Variants in CRTAC1 observed in about 807,000 individuals in gnomAD.
CRTAC1 encodes the protein acidic secreted protein in cartilage.
In CRTAC1, 37 loss-of-function variants were observed where a neutral mutation model predicts 67.8. The ratio of observed to expected loss-of-function variants is 0.55; its 90% CI spans 0.42 to 0.72. The LOEUF (loss-of-function observed/expected upper bound fraction) is 0.72. Ranked by LOEUF, CRTAC1 falls within the 30% of genes least tolerant of loss-of-function variation. The pLI is 0.00. For missense variants in CRTAC1, 780 were observed against 931.6 expected (o/e 0.84, Z 2.12); for synonymous variants, 348 against 371.0 (o/e 0.94, Z 0.71).
intron 2 of CRTAC1, among the ~76,000 whole-genome samples, chr10:98,006,670 G>A (rs906868389): frequency 3.9e-5 from 6 of 152,020 alleles, no homozygotes; most frequent in Non-Finnish European, 8.8e-5. Context: ...AAAGCAACAG[G>A]GCTCCAGTCA....
chr10:97,882,617 A>G, intron 13 of CRTAC1, among the ~76,000 whole-genome samples, 169 bp downstream of exon 13: 1 of 152,148 alleles, frequency 6.6e-6, no homozygotes, highest in East Asian at 1.9e-4. Context: ...CACCCTGGTG[A>G]GTCATGTGGT....
At chr10:97,951,590 G>A (rs928112918) in intron 2 of CRTAC1, among the ~76,000 whole-genome samples, 5 of 152,150 alleles carry the variant, frequency 3.3e-5, no homozygotes, top group African/African-American at 1.2e-4. Context: ...TAATGAGAAA[G>A]TACCAAATTG....
At chr10:98,026,964 G>A (rs1261342356) in intron 1 of CRTAC1, among the ~76,000 whole-genome samples, 1 of 152,140 alleles carries the variant, frequency 6.6e-6, no homozygotes, top group East Asian at 1.9e-4. Flanking sequence ...CAGATCACGA[G>A]GTCAGGAGAT....
intron 2 of CRTAC1, among the ~76,000 whole-genome samples, chr10:98,010,197 G>A (rs1842878807): frequency 6.6e-6 from 1 of 152,048 alleles, no homozygotes; most frequent in Admixed American, 6.6e-5. Flanking sequence ...GCGCCACCAT[G>A]CCCAGCTAAT....
chr10:97,888,816 A>G (rs2050323483), intron 11 of CRTAC1, among the ~76,000 whole-genome samples: 1 of 152,166 alleles, frequency 6.6e-6, no homozygotes, highest in Non-Finnish European at 1.5e-5. Flanking sequence ...TAACCAGCAG[A>G]GACATGAGGT....
chr10:97,902,871 G>T (rs946787540), intron 7 of CRTAC1, among the ~76,000 whole-genome samples: 1 of 152,016 alleles, frequency 6.6e-6, no homozygotes, highest in East Asian at 1.9e-4. Context: ...GAGTAATGAG[G>T]TTGAATAAGC....
intron 3 of CRTAC1, among the ~76,000 whole-genome samples, chr10:97,930,467 T>TAGGG (rs2050987172): frequency 6.6e-6 from 1 of 152,196 alleles, no homozygotes; most frequent in Admixed American, 6.5e-5. Flanking sequence ...GGGCCATACA[T>TAGGG]CTCAGACTTT....
At chr10:97,940,576 G>C (rs923718792) in intron 2 of CRTAC1, among the ~76,000 whole-genome samples, 8 of 152,244 alleles carry the variant, frequency 5.3e-5, no homozygotes, top group Non-Finnish European at 1.2e-4. Context: ...CGTGCTGTGA[G>C]AGCCATCCCA....
At chr10:97,950,776 G>T (rs1033515513) in intron 2 of CRTAC1, among the ~76,000 whole-genome samples, 1 of 152,178 alleles carries the variant, frequency 6.6e-6, no homozygotes, top group African/African-American at 2.4e-5. Context: ...CCAGACAGAG[G>T]GGTAGGCCTG....
intron 2 of CRTAC1, among the ~76,000 whole-genome samples, chr10:97,955,121 A>T (rs1462624317): frequency 6.6e-6 from 1 of 152,192 alleles, no homozygotes; most frequent in South Asian, 2.1e-4. Context: ...TCTTCCCAAC[A>T]ACTCTGCAAG....
Position 97,960,189 on chromosome 10 carries a change from G to A in CRTAC1, c.225-23823C>T, listed in dbSNP as rs117362238. ...GCAAGCAGGTCTTTCTGGGGATAGC[G>A]GTCTCAGCCCTGGGGACAGCAGTCC... is the stretch of plus-strand genomic sequence containing the variant. On this transcript the variant is annotated intron_variant, in intron 2 of 14. Transcript: ENST00000370597. 1.7e-3 allele frequency among the ~76,000 whole-genome samples: 254 copies of A among 152,354 alleles called. 1 individual carries two copies. Among genetic ancestry groups the A allele is most frequent in the Non-Finnish European group, 2.8e-3 (191 of 68,032 alleles).
intron 1 of CRTAC1, 63 bp from the exon 2 acceptor site, chr10:98,011,400 A>T: frequency 1.9e-6 from 3 of 1,600,004 alleles, no homozygotes; most frequent in Non-Finnish European, 1.7e-6. Flanking sequence ...CCGGAACATT[A>T]AAGTCCTGGG....
intron 9 of CRTAC1, among the ~76,000 whole-genome samples, chr10:97,896,190 C>T (rs1194429913): frequency 6.6e-6 from 1 of 152,174 alleles, no homozygotes; most frequent in African/African-American, 2.4e-5. Flanking sequence ...CAGACATTTC[C>T]TTCCTTCCCC....
chr10:97,886,951 C>CT lies in CRTAC1; in HGVS notation c.1487-2601dup, dbSNP rs537202029. Among the ~76,000 whole-genome samples, 1,383 of 143,628 alleles carry CT rather than the reference C, an allele frequency of 9.6e-3. 10 individuals carry two copies. The highest frequency in any genetic ancestry group is 0.028 in the African/African-American group (1,091 of 39,558). The allele number at this position is 143,628 out of a possible 152,430, so 94.2% of individuals were successfully genotyped here. A position where few individuals can be genotyped will look rare whatever the true frequency, so the allele number is the denominator to read the frequency against. ...TGACCCACCACACCCGGCCAGATTT[C>CT]TTTTTTTTTTTTTCTAATTTGAAGT... On this transcript the variant is annotated intron_variant, in intron 11 of 14. Transcript: ENST00000370597.
At chr10:97,977,492 A>T (rs999927263) in intron 2 of CRTAC1, among the ~76,000 whole-genome samples, 1 of 151,632 alleles carries the variant, frequency 6.6e-6, no homozygotes, top group Non-Finnish European at 1.5e-5. Flanking sequence ...CTCTGGTAAC[A>T]GTGGCTACTG....
intron 12 of CRTAC1, 28 bp downstream of exon 12, chr10:97,884,178 G>C (rs1465612310): frequency 1.3e-6 from 2 of 1,550,888 alleles, no homozygotes; most frequent in Non-Finnish European, 1.7e-6. Flanking sequence ...CGCTTTTCTG[G>C]CTATGAGGCC....
chr10:97,972,188 G>A (rs1022259922), intron 2 of CRTAC1, among the ~76,000 whole-genome samples: 14 of 152,194 alleles, frequency 9.2e-5, no homozygotes, highest in South Asian at 2.1e-4. Flanking sequence ...CAGAAAACAA[G>A]TTCAAAGACC....
intron 2 of CRTAC1, among the ~76,000 whole-genome samples, chr10:97,994,916 T>G (rs1842526615): frequency 6.6e-6 from 1 of 152,174 alleles, no homozygotes; most frequent in Non-Finnish European, 1.5e-5. Context: ...TGGAATGCAT[T>G]GCTGCTTTCC....
chr10:97,898,115 C>G (rs891451192), intron 8 of CRTAC1, among the ~76,000 whole-genome samples: 1 of 152,198 alleles, frequency 6.6e-6, no homozygotes, highest in African/African-American at 2.4e-5. Flanking sequence ...GTTCAGGTGA[C>G]AATGCAGTTA....
Sources: gnomAD v4.1 joint callset for allele counts (sites outside exome capture counted in the v4.1 genomes callset) on GRCh38, gnomAD v4.1.1 for gene constraint, MANE v1.5 for transcripts, NCBI Gene and HGNC (gene_info 2026-07-23, HGNC 2026-07-21) for gene names.